The following SMG7 variants were observed in gnomAD, a reference collection of about 807,000 sequenced individuals.
SMG7 encodes the protein nonsense-mediated mRNA decay factor SMG7.
Under a neutral mutation model 148.2 loss-of-function variants are expected in SMG7, and 34 were observed. The ratio of observed to expected loss-of-function variants is 0.23; its 90% confidence interval spans 0.17 to 0.31. The LOEUF (loss-of-function observed/expected upper bound fraction) is 0.31, where lower values mean the gene tolerates loss of function less well. Among genes scored for constraint, SMG7 ranks in the 10% least tolerant of loss-of-function variants. The pLI is 1.00. For synonymous variants in SMG7, 492 were observed against 515.1 expected, an observed-to-expected ratio of 0.96 and a Z score of 0.61; for missense variants, 1,114 against 1,408.4, an observed-to-expected ratio of 0.79 and a Z score of 3.35.
At chr1:183,550,543 T>G (rs767230115) in intron 20 of SMG7, among the ~76,000 whole-genome samples, 13 of 152,242 alleles carry the variant, frequency 8.5e-5, no homozygotes, top group Admixed American at 3.9e-4. Flanking sequence ...TTTTGCTTTT[T>G]TAAGGCGAAG....
At chr1:183,520,232 TTATC>T (rs1400607891) in intron 4 of SMG7, among the ~76,000 whole-genome samples, 4 of 152,140 alleles carry the variant, frequency 2.6e-5, no homozygotes, top group Admixed American at 2.6e-4. Context: ...AGGTTGATAT[TTATC>T]AAGATTTTAT....
In SMG7 at chr1:183,542,472, G is replaced by A; in HGVS notation, c.1812G>A (p.Gln604=). Reference sequence around the variant, plus strand: ...AGAAATGCACCTTAGAAAAGTTACAGGAAACAGGAAAGCAGAATGTGGCAG... The same window carrying A: ...AGAAATGCACCTTAGAAAAGTTACAAGAAACAGGAAAGCAGAATGTGGCAG... ...ETKKCTLEKL[Q]ETGKQNVAVQ... Residue 604 remains glutamine, a synonymous_variant, in exon 14 of 23, where the codon CAG becomes CAA. Transcript: ENST00000688051. 4 of 1,613,576 alleles carry A rather than the reference G, an allele frequency of 2.5e-6. No individual in the cohort carries two copies. The highest frequency in any genetic ancestry group is 3.4e-6 in the Non-Finnish European group (4 of 1,179,806).
chr1:183,477,562 A>G (rs1391982439), intron 1 of SMG7, among the ~76,000 whole-genome samples: 3 of 140,510 alleles, frequency 2.1e-5, no homozygotes, highest in African/African-American at 8.0e-5. Context: ...GTGTGTGCAT[A>G]TGTGTATATA....
intron 22 of SMG7, among the ~76,000 whole-genome samples, chr1:183,551,481 C>T (rs187203583): frequency 1.3e-5 from 2 of 152,072 alleles, no homozygotes; most frequent in African/African-American, 4.8e-5. Flanking sequence ...TGATTTAAGC[C>T]TTTTCTGACA....
chr1:183,491,865 C>T (rs1004386639), intron 1 of SMG7, among the ~76,000 whole-genome samples: 1 of 152,206 alleles, frequency 6.6e-6, no homozygotes, highest in Non-Finnish European at 1.5e-5. Context: ...GTCTCTGCTT[C>T]CAAGATGGCA....
In SMG7 at chr1:183,552,729, G is replaced by T; in HGVS notation, c.*798G>T. ...AGACTGCTGTAGGATTTCAAATTAC[G>T]TTTTTGATTCCTGTACATTTTACAG... On this transcript the variant is annotated 3_prime_UTR_variant, in exon 23 of 23. Coordinates refer to ENST00000688051, the MANE Select transcript of SMG7 (RefSeq NM_001375584.1). 2 of 1,323,440 alleles carry T rather than the reference G, an allele frequency of 1.5e-6. No individual in the cohort carries two copies. The highest frequency in any genetic ancestry group is 1.9e-6 in the Non-Finnish European group (2 of 1,034,720). The allele number at this position is 1,323,440 out of a possible 1,614,324, so 82.0% of individuals were successfully genotyped here.
chr1:183,502,977 A>G (rs1660075261), intron 1 of SMG7, among the ~76,000 whole-genome samples: 2 of 152,262 alleles, frequency 1.3e-5, no homozygotes, highest in South Asian at 4.1e-4. Flanking sequence ...GAGAGATGAT[A>G]GTTGCCTCTG....
chr1:183,544,126 A>G (rs997387580), intron 14 of SMG7, among the ~76,000 whole-genome samples: 2 of 152,204 alleles, frequency 1.3e-5, no homozygotes, highest in African/African-American at 4.8e-5. Flanking sequence ...TTTTGTGATC[A>G]TGGGAAAGCA....
At position 183,550,822 on chromosome 1, in the gene SMG7, C is replaced by A; in HGVS notation, c.3205C>A (p.His1069Asn). 1.2e-6 allele frequency: 2 copies of A among 1,614,140 alleles called. No homozygotes were observed. The highest frequency in any genetic ancestry group is 8.5e-7 in the Non-Finnish European group (1 of 1,179,980). Residue 1069 changes from histidine to asparagine, a missense_variant, in exon 21 of 23, where the codon CAC (histidine) becomes AAC (asparagine). By Grantham distance (68) the His-to-Asn change is moderately conservative (BLOSUM62 1). Transcript: ENST00000688051. The stretch of plus-strand genomic sequence containing the variant: ...CAGCCTACCCAGCTCTCCTCCAACA[C>A]ACAACCATAATTCTGTTCCATTCTC... ...PSSLPSSPPT[H>N]NHNSVPFSNF...
intron 10 of SMG7, among the ~76,000 whole-genome samples, chr1:183,535,178 C>T (rs1025735249): frequency 1.3e-5 from 2 of 152,080 alleles, no homozygotes; most frequent in African/African-American, 4.8e-5. Flanking sequence ...TTACCATTTG[C>T]TTATAGAGTT....
intron 2 of SMG7, among the ~76,000 whole-genome samples, chr1:183,515,623 T>A (rs1663312247): frequency 6.6e-6 from 1 of 151,158 alleles, no homozygotes; most frequent in Non-Finnish European, 1.5e-5. Flanking sequence ...TTTTTTTTTT[T>A]AGCCCTTTTC....
intron 20 of SMG7, among the ~76,000 whole-genome samples, chr1:183,550,389 G>A (rs1481741821): frequency 6.6e-6 from 1 of 152,086 alleles, no homozygotes; most frequent in Non-Finnish European, 1.5e-5. Flanking sequence ...TTAAAATTGA[G>A]ATTTTTAACT....
intron 1 of SMG7, among the ~76,000 whole-genome samples, chr1:183,477,644 A>T (rs929469564): frequency 3.1e-5 from 4 of 127,614 alleles, no homozygotes; most frequent in Non-Finnish European, 6.8e-5. Flanking sequence ...ATATGCATAT[A>T]TACGTGTGTG....
intron 1 of SMG7, among the ~76,000 whole-genome samples, chr1:183,482,530 A>G (rs1654416973): frequency 1.3e-5 from 2 of 152,084 alleles, no homozygotes; most frequent in Non-Finnish European, 2.9e-5. Flanking sequence ...TCCCTTAATT[A>G]TGGTTTTAGT....
At chr1:183,489,830 T>C (rs1271258877) in intron 1 of SMG7, among the ~76,000 whole-genome samples, 1 of 152,204 alleles carries the variant, frequency 6.6e-6, no homozygotes, top group Non-Finnish European at 1.5e-5. Context: ...AAACAAGAAG[T>C]GACCTATCGA....
intron 14 of SMG7, 25 bp downstream of exon 14, chr1:183,542,527 C>G (rs1351811710): frequency 1.3e-6 from 2 of 1,580,532 alleles, no homozygotes; most frequent in Non-Finnish European, 1.7e-6. Context: ...AACTATAAAG[C>G]AGGTAGAGGA....
intron 8 of SMG7, among the ~76,000 whole-genome samples, chr1:183,532,607 G>A (rs759357312): frequency 7.2e-5 from 11 of 152,158 alleles, no homozygotes; most frequent in Non-Finnish European, 1.5e-4. Flanking sequence ...TGTTGTTTTA[G>A]TATGCCATTT....
chr1:183,547,027 C>T, intron 17 of SMG7, 76 bp from the exon 18 acceptor site: 5 of 1,386,376 alleles, frequency 3.6e-6, no homozygotes, highest in Non-Finnish European at 4.9e-6. Context: ...TGTCTTCTTC[C>T]ACCTAATTAT....
rs146240028 is a variant in SMG7 at position 183,490,911 on chromosome 1, A to G, written c.29+18262A>G. On this transcript the variant is annotated intron_variant, in intron 1 of 22. Transcript: ENST00000688051. ...AGCAATTCTCCTGCCTCAGCCTCCT[A>G]AGTAGCTGGGATTACAGGCATGCGC... Among the ~76,000 whole-genome samples the G allele has an allele frequency of 8.7e-4, 132 of 152,106 alleles. 2 individuals carry two copies. The East Asian group carries it at 0.018, about 21-fold the overall frequency.
Sources: allele counts gnomAD v4.1 joint callset (sites outside exome capture counted in the v4.1 genomes callset), GRCh38; gene constraint gnomAD v4.1.1; transcripts MANE v1.5; gene names NCBI Gene and HGNC (gene_info 2026-07-23, HGNC 2026-07-21).